The following KANSL1 variants were observed in gnomAD, a reference collection of about 807,000 sequenced individuals.
KANSL1 encodes the protein MLL1/MLL complex subunit KANSL1.
In KANSL1, 22 loss-of-function variants were observed where a neutral mutation model predicts 103.6. The ratio of observed to expected loss-of-function variants is 0.21; its 90% CI spans 0.15 to 0.30. KANSL1 has a LOEUF of 0.30. KANSL1 is among the 10% of genes least tolerant of loss of function. The pLI, the probability that KANSL1 is intolerant of heterozygous loss-of-function variation, is 1.00. For missense variants in KANSL1, 1,337 were observed against 1,399.8 expected (o/e 0.96, Z 0.72); for synonymous variants, 600 against 527.6 (o/e 1.14, Z -1.88).
At chr17:46,049,087 TAAGAG>T (rs1482953511) in intron 7 of KANSL1, among the ~76,000 whole-genome samples, 3 of 149,342 alleles carry the variant, frequency 2.0e-5, no homozygotes, top group Non-Finnish European at 3.0e-5. Context: ...TGGAGAATTC[TAAGAG>T]AAGACTTGGT....
chr17:46,098,050 T>C (rs528532146), intron 2 of KANSL1, among the ~76,000 whole-genome samples: 1 of 149,848 alleles, frequency 6.7e-6, no homozygotes, highest in Admixed American at 6.6e-5. Context: ...AAAAAGATAC[T>C]TTTAAAGTAC....
At chr17:46,164,420 CAT>C (rs2045897943) in intron 2 of KANSL1, among the ~76,000 whole-genome samples, 1 of 152,242 alleles carries the variant, frequency 6.6e-6, no homozygotes, top group Admixed American at 6.5e-5. Context: ...CACTTGACGT[CAT>C]GTGCAGATTA....
At chr17:46,126,154 C>T (rs113120855) in intron 2 of KANSL1, among the ~76,000 whole-genome samples, 21,543 of 151,438 alleles carry the variant, frequency 0.14, 2,122 homozygotes, top group Non-Finnish European at 0.22. Context: ...AATAAAGCTG[C>T]TGAAAAAGTA....
intron 2 of KANSL1, 59 bp from the exon 3 acceptor site, chr17:46,094,760 G>A (rs1469648951): frequency 3.8e-6 from 6 of 1,598,698 alleles, no homozygotes; most frequent in Non-Finnish European, 5.1e-6. Flanking sequence ...TACCAGATTG[G>A]GGGGTGGGGA....
intron 10 of KANSL1, among the ~76,000 whole-genome samples, chr17:46,036,597 C>T (rs12150438): frequency 0.14 from 21,812 of 152,256 alleles, 2,133 homozygotes; most frequent in Non-Finnish European, 0.22. Flanking sequence ...TATGCAAATA[C>T]TATGCCATTT....
intron 2 of KANSL1, among the ~76,000 whole-genome samples, chr17:46,121,825 T>C (rs549727821): frequency 6.6e-6 from 1 of 152,320 alleles, no homozygotes; most frequent in Non-Finnish European, 1.5e-5. Context: ...TTTGAAAATA[T>C]CATAAGATGA....
intron 1 of KANSL1, among the ~76,000 whole-genome samples, chr17:46,172,793 C>T (rs562338805): frequency 6.6e-6 from 1 of 152,360 alleles, no homozygotes; most frequent in African/African-American, 2.4e-5. Flanking sequence ...CAACTTGTTT[C>T]ATCAGTTTTC....
At chr17:46,191,781 G>A (rs77560892) in intron 1 of KANSL1, among the ~76,000 whole-genome samples, 3,991 of 152,208 alleles carry the variant, frequency 0.026, 189 homozygotes, top group African/African-American at 0.091. Context: ...ATGATTGCTA[G>A]CCACGTGACA....
intron 4 of KANSL1, among the ~76,000 whole-genome samples, chr17:46,081,685 C>T (rs193296363): frequency 1.4e-4 from 22 of 152,232 alleles, no homozygotes; most frequent in African/African-American, 3.9e-4. Flanking sequence ...GGTTTATTTG[C>T]GGATACAAGA....
chr17:46,121,624 T>A (rs2043284540), intron 2 of KANSL1, among the ~76,000 whole-genome samples: 1 of 152,186 alleles, frequency 6.6e-6, no homozygotes, highest in Admixed American at 6.5e-5. Flanking sequence ...CTGCATAGCA[T>A]TTGCTGCAAC....
chr17:46,210,937 C>T (rs1180755590), intron 1 of KANSL1, among the ~76,000 whole-genome samples: 1 of 152,070 alleles, frequency 6.6e-6, no homozygotes, highest in African/African-American at 2.4e-5. Flanking sequence ...AAATTGGGCC[C>T]AAAGTGGCAA....
intron 2 of KANSL1, among the ~76,000 whole-genome samples, chr17:46,138,377 C>A (rs1234606520): frequency 6.6e-6 from 1 of 152,200 alleles, no homozygotes; most frequent in Non-Finnish European, 1.5e-5. Context: ...CTAAGCAATA[C>A]AGTGTAACAA....
chr17:46,161,076 C>T (rs569543294), intron 2 of KANSL1, among the ~76,000 whole-genome samples: 1 of 152,082 alleles, frequency 6.6e-6, no homozygotes, highest in African/African-American at 2.4e-5. Flanking sequence ...ATTTCTCTAC[C>T]AGAATGTCTC....
chr17:46,063,803 T>C (rs2078264442), intron 6 of KANSL1, among the ~76,000 whole-genome samples: 1 of 151,546 alleles, frequency 6.6e-6, no homozygotes, highest in Non-Finnish European at 1.5e-5. Context: ...ACCACATACT[T>C]CAGAAAATTT....
chr17:46,068,831 G>C (rs889652521), intron 4 of KANSL1, among the ~76,000 whole-genome samples: 6 of 152,120 alleles, frequency 3.9e-5, no homozygotes, highest in Non-Finnish European at 8.8e-5. Flanking sequence ...CAGTCATATA[G>C]CACCTCTGAG....
chr17:46,122,857 A>G (rs2043344181), intron 2 of KANSL1, among the ~76,000 whole-genome samples: 1 of 152,224 alleles, frequency 6.6e-6, no homozygotes, highest in Non-Finnish European at 1.5e-5. Context: ...TAACTGATAA[A>G]AATGTGTGTT....
chr17:46,189,196 G>A (rs972517193), intron 1 of KANSL1, among the ~76,000 whole-genome samples: 1 of 151,986 alleles, frequency 6.6e-6, no homozygotes, highest in African/African-American at 2.4e-5. Context: ...ACGCCAACCT[G>A]GGAATCACAG....
chr17:46,116,001 T>C (rs1348595729), intron 2 of KANSL1, among the ~76,000 whole-genome samples: 2 of 152,246 alleles, frequency 1.3e-5, no homozygotes, highest in East Asian at 3.8e-4. Context: ...CATTTTCTGA[T>C]TGGTTTTATA....
chr17:46,043,114 A>G (rs968021580), intron 7 of KANSL1: 3 of 152,238 alleles, frequency 2.0e-5, no homozygotes, highest in African/African-American at 4.8e-5. Flanking sequence ...AATGTATAAA[A>G]GAGGCTCAAG....
Sources: gnomAD v4.1 joint callset for allele counts (sites outside exome capture counted in the v4.1 genomes callset) on GRCh38, gnomAD v4.1.1 for gene constraint, MANE v1.5 for transcripts, NCBI Gene and HGNC (gene_info 2026-07-23, HGNC 2026-07-21) for gene names.